ZC4H2: variants seen among roughly 807,000 people sequenced by gnomAD.
ZC4H2 encodes zinc finger C4H2 domain-containing protein.
For synonymous variants in ZC4H2, 84 were observed against 66.3 expected, an observed-to-expected ratio of 1.27 and a Z score of -1.30; for missense variants, 137 against 173.9, an observed-to-expected ratio of 0.79 and a Z score of 1.19.
intron 2 of ZC4H2, among the ~76,000 whole-genome samples, chrX:64,921,269 G>A (rs1364630150): frequency 2.7e-5 from 3 of 112,252 alleles, no homozygotes; most frequent in Non-Finnish European, 3.8e-5. Flanking sequence ...GGAATCATCA[G>A]TACAGTAGCT....
intron 1 of ZC4H2, among the ~76,000 whole-genome samples, chrX:64,933,563 G>A (rs927236505): frequency 9.1e-6 from 1 of 109,858 alleles, no homozygotes; most frequent in Non-Finnish European, 1.9e-5. Flanking sequence ...AGGATCATAC[G>A]CCAATGTTTA....
chrX:65,031,158 G>C (rs897730130), intron 1 of ZC4H2, among the ~76,000 whole-genome samples: 14 of 111,397 alleles, frequency 1.3e-4, no homozygotes, highest in African/African-American at 4.6e-4. Context: ...TCCAAACTTT[G>C]GCATGGCATA....
intron 1 of ZC4H2, among the ~76,000 whole-genome samples, chrX:65,018,994 C>T (rs1428119263): frequency 8.9e-6 from 1 of 111,892 alleles, no homozygotes; most frequent in Non-Finnish European, 1.9e-5. Context: ...GATTCCTCCT[C>T]TCTGCGCAGG....
At chrX:64,956,680 C>T (rs1255077563) in intron 1 of ZC4H2, among the ~76,000 whole-genome samples, 2 of 111,597 alleles carry the variant, frequency 1.8e-5, no homozygotes, top group Admixed American at 9.5e-5. Flanking sequence ...TTGCATTAGG[C>T]CCTAACAGAC....
At chrX:64,989,248 C>T (rs1201337404) in intron 1 of ZC4H2, among the ~76,000 whole-genome samples, 1 of 111,894 alleles carries the variant, frequency 8.9e-6, no homozygotes, top group Non-Finnish European at 1.9e-5. Flanking sequence ...TTTTCCAATT[C>T]TGTGAAGAAA....
intron 1 of ZC4H2, among the ~76,000 whole-genome samples, chrX:65,008,539 A>G (rs1361676660): frequency 8.9e-6 from 1 of 112,551 alleles, no homozygotes; most frequent in Non-Finnish European, 1.9e-5. Context: ...ACTATTCACA[A>G]TAGCCAAGCT....
At chrX:64,931,959 C>T (rs1236075166) in intron 1 of ZC4H2, among the ~76,000 whole-genome samples, 1 of 111,625 alleles carries the variant, frequency 9.0e-6, no homozygotes, top group African/African-American at 3.3e-5. Context: ...GTATTGAAGT[C>T]CTCCAATATT....
chrX:65,006,903 G>T (rs1214268516), intron 1 of ZC4H2, among the ~76,000 whole-genome samples: 3 of 111,819 alleles, frequency 2.7e-5, no homozygotes, highest in African/African-American at 6.5e-5. Context: ...CAATTTTCCA[G>T]TTACATGATA....
rs747330559 is a variant in ZC4H2 at position 64,983,658 on chromosome X, AT to A, written c.-272+50970del. On this transcript the variant is annotated intron_variant, in intron 1 of 4. Coordinates refer to the ZC4H2 transcript ENST00000337990. ...ATGATCTACTCTTCCAATTAATAAGATAAATCATATATAGTGTATGTTAGCA... is the reference window on the plus strand; with the variant it reads ...ATGATCTACTCTTCCAATTAATAAGAAAATCATATATAGTGTATGTTAGCA... Among the ~76,000 whole-genome samples, 12 of 112,372 alleles carry A rather than the reference AT, an allele frequency of 1.1e-4. 1 individual carries two copies. In the South Asian group the frequency reaches 4.4e-3, roughly 41 times the overall value.
At chrX:64,991,697 T>C (rs1932311475) in intron 1 of ZC4H2, among the ~76,000 whole-genome samples, 1 of 111,968 alleles carries the variant, frequency 8.9e-6, no homozygotes, top group Non-Finnish European at 1.9e-5. Context: ...AATAAAAACA[T>C]ATATCCACAG....
At chrX:64,935,991 G>C (rs749246191) in intron 1 of ZC4H2, among the ~76,000 whole-genome samples, 2 of 110,302 alleles carry the variant, frequency 1.8e-5, no homozygotes, top group Non-Finnish European at 3.8e-5. Context: ...AAAGGAGCAT[G>C]TTCTAACACA....
chrX:64,920,353 A>G, intron 2 of ZC4H2, 100 bp from the exon 3 acceptor site: 1 of 935,228 alleles, frequency 1.1e-6, no homozygotes, highest in East Asian at 3.2e-5. Flanking sequence ...GAACTTGTTC[A>G]GTCTATATTC....
intron 1 of ZC4H2, among the ~76,000 whole-genome samples, chrX:65,008,640 G>C (rs1008979221): frequency 8.9e-6 from 1 of 112,363 alleles, no homozygotes; most frequent in African/African-American, 3.2e-5. Flanking sequence ...CCATAAAAAA[G>C]AATGAAGTCA....
intron 1 of ZC4H2, among the ~76,000 whole-genome samples, chrX:64,946,297 C>T (rs183165782): frequency 2.2e-4 from 24 of 111,388 alleles, no homozygotes; most frequent in African/African-American, 3.9e-4. Flanking sequence ...ATAAGAAAAG[C>T]GTAGTATCTG....
chrX:65,032,734 T>TTTCCTTCC (rs59235733), intron 1 of ZC4H2, among the ~76,000 whole-genome samples: 12,117 of 86,675 alleles, frequency 0.14, 936 homozygotes, highest in Non-Finnish European at 0.15. Flanking sequence ...TTCTTCTTTC[T>TTTCCTTCC]TTCCTTCCTT....
At chrX:64,980,881 A>T (rs1932069079), upstream of ZC4H2, among the ~76,000 whole-genome samples, 2 of 111,144 alleles carry the variant, frequency 1.8e-5, no homozygotes, top group African/African-American at 3.3e-5. Context: ...AAAAATAAAC[A>T]TAATAATATT....
intron 3 of ZC4H2, chrX:64,919,457 G>C (rs927566427): frequency 5.9e-6 from 2 of 337,585 alleles, no homozygotes; most frequent in African/African-American, 5.3e-5. Flanking sequence ...ATCCTTAAAG[G>C]GTATTCAGTC....
chrX:65,021,455 G>A (rs1268764745), intron 1 of ZC4H2, among the ~76,000 whole-genome samples: 1 of 111,139 alleles, frequency 9.0e-6, no homozygotes, highest in Non-Finnish European at 1.9e-5. Flanking sequence ...CAGAAATAAA[G>A]ATGTTCTTTG....
intron 1 of ZC4H2, among the ~76,000 whole-genome samples, chrX:65,018,971 GA>G (rs899184601): frequency 1.8e-5 from 2 of 111,797 alleles, no homozygotes; most frequent in African/African-American, 3.3e-5. Flanking sequence ...ACTGCGGCCA[GA>G]AGGCCTCTCT....
Sources: gnomAD v4.1 joint callset for allele counts (sites outside exome capture counted in the v4.1 genomes callset) on GRCh38, gnomAD v4.1.1 for gene constraint, MANE v1.5 for transcripts, NCBI Gene and HGNC (gene_info 2026-07-23, HGNC 2026-07-21) for gene names.